Variants in MEGF9 observed in about 807,000 individuals in gnomAD.
MEGF9 encodes the protein multiple EGF like domains 9.
In MEGF9, 6 loss-of-function variants were observed where a neutral mutation model predicts 46.8. That is an observed-to-expected ratio of 0.13 (90% CI 0.07 to 0.25). The LOEUF (loss-of-function observed/expected upper bound fraction) is 0.25, where lower values mean the gene tolerates loss of function less well. Among genes scored for constraint, MEGF9 ranks in the 10% least tolerant of loss-of-function variants. MEGF9 has a pLI of 1.00. For missense variants in MEGF9, 683 were observed against 792.4 expected (o/e 0.86, Z 1.66); for synonymous variants, 302 against 330.7 (o/e 0.91, Z 0.94).
chr9:120,651,940 C>T (rs1371337089), intron 2 of MEGF9, among the ~76,000 whole-genome samples: 2 of 151,412 alleles, frequency 1.3e-5, no homozygotes, highest in African/African-American at 4.9e-5. Context: ...CATGAGCCAT[C>T]GCGCCTGGCC....
At chr9:120,606,867 T>TTA (rs1281013446) in intron 5 of MEGF9, among the ~76,000 whole-genome samples, 4 of 152,120 alleles carry the variant, frequency 2.6e-5, no homozygotes, top group African/African-American at 7.2e-5. Context: ...GAGGCAAAGT[T>TTA]TATATATATT....
intron 1 of MEGF9, among the ~76,000 whole-genome samples, chr9:120,706,632 C>T (rs966147422): frequency 2.0e-5 from 3 of 152,094 alleles, no homozygotes; most frequent in African/African-American, 4.8e-5. Flanking sequence ...TTCAGGAGTT[C>T]GAGACTAGCC....
chr9:120,699,831 AAAG>A (rs2043895583), intron 1 of MEGF9, among the ~76,000 whole-genome samples: 2 of 152,144 alleles, frequency 1.3e-5, no homozygotes, highest in Admixed American at 6.5e-5. Flanking sequence ...AATATGAGAT[AAAG>A]ATTATTTTGT....
intron 1 of MEGF9, among the ~76,000 whole-genome samples, chr9:120,710,576 G>C (rs1052417524): frequency 2.0e-5 from 3 of 151,558 alleles, no homozygotes; most frequent in Non-Finnish European, 4.4e-5. Flanking sequence ...CTAACTGAGG[G>C]GCAGGCAAGA....
At chr9:120,709,417 AAAAAAAC>A (rs2043942910) in intron 1 of MEGF9, among the ~76,000 whole-genome samples, 1 of 152,086 alleles carries the variant, frequency 6.6e-6, no homozygotes, top group South Asian at 2.1e-4. Context: ...CATCTCAAAA[AAAAAAAC>A]AAAAAACAAA....
chr9:120,690,585 T>G (rs1018947022), intron 1 of MEGF9, among the ~76,000 whole-genome samples: 3 of 152,152 alleles, frequency 2.0e-5, no homozygotes, highest in Admixed American at 2.0e-4. Flanking sequence ...CCAGGTCTGC[T>G]CAGACACCCA....
intron 4 of MEGF9, among the ~76,000 whole-genome samples, chr9:120,608,553 G>A (rs114261074): frequency 6.6e-6 from 1 of 152,062 alleles, no homozygotes; most frequent in African/African-American, 2.4e-5. Flanking sequence ...TTTTCCATGG[G>A]TGGCCTCATC....
chr9:120,676,713 C>T (rs2043774758), intron 1 of MEGF9, among the ~76,000 whole-genome samples: 1 of 152,170 alleles, frequency 6.6e-6, no homozygotes, highest in South Asian at 2.1e-4. Flanking sequence ...CAAACTGTTT[C>T]ATACAACTGC....
At chr9:120,698,729 G>T (rs1281296587) in intron 1 of MEGF9, among the ~76,000 whole-genome samples, 2 of 152,194 alleles carry the variant, frequency 1.3e-5, no homozygotes, top group African/African-American at 4.8e-5. Flanking sequence ...AAGCACTGCT[G>T]AATTAAGGGT....
At chr9:120,622,417 CTT>C (rs59380409) in intron 3 of MEGF9, among the ~76,000 whole-genome samples, 197 bp downstream of exon 3, 9 of 101,186 alleles carry the variant, frequency 8.9e-5, no homozygotes, top group East Asian at 2.8e-4. Flanking sequence ...AGGTATATGA[CTT>C]TTTTTTTTTT....
In MEGF9 at chr9:120,712,283, A is replaced by T. The variant is rs761344654; in HGVS notation, c.601+1475T>A. 4.6e-5 allele frequency among the ~76,000 whole-genome samples: 7 copies of T among 152,168 alleles called. No homozygotes were observed. In the East Asian group the frequency reaches 1.3e-3, roughly 29 times the overall value. On this transcript the variant is annotated intron_variant, in intron 1 of 5. Coordinates refer to ENST00000373930, the MANE Select transcript of MEGF9 (RefSeq NM_001080497.3). ...AAAAAACAAAAACAAAAACAAAAAA[A>T]GTCTTCACAGCAACCTTATGAGTTA...
chr9:120,628,778 T>C (rs1344060895), intron 2 of MEGF9, among the ~76,000 whole-genome samples: 2 of 152,168 alleles, frequency 1.3e-5, no homozygotes, highest in African/African-American at 4.8e-5. Flanking sequence ...AGGAAGATAT[T>C]AGCTCTATTT....
chr9:120,701,323 C>A (rs2043904073), intron 1 of MEGF9, among the ~76,000 whole-genome samples: 2 of 152,064 alleles, frequency 1.3e-5, no homozygotes, highest in Admixed American at 1.3e-4. Flanking sequence ...GCATGTAAGA[C>A]TGAAATAAGT....
intron 2 of MEGF9, among the ~76,000 whole-genome samples, chr9:120,638,768 C>T (rs1180454364): frequency 6.6e-6 from 1 of 152,214 alleles, no homozygotes; most frequent in Non-Finnish European, 1.5e-5. Flanking sequence ...CATCTTTTCA[C>T]CCTTACTGGC....
In MEGF9 at chr9:120,659,393, G is replaced by C; in HGVS notation, c.784C>G (p.Leu262Val). Residue 262 changes from leucine (L) to valine (V), a missense_variant, in exon 2 of 6, where the codon CTC becomes GTC. Physicochemically the swap from Leu to Val is conservative, Grantham distance 32 (BLOSUM62 1). Transcript: ENST00000373930. ...GCTTACCTGTTGCACGGTATGCTGA[G>C]AGCTCCATGTGGACTACAGTCACAT... The part of the protein sequence containing the change: ...QPCDCSPHGA[L>V]SIPCNSSGKC... 6.2e-7 allele frequency: 1 copy of C among 1,613,760 alleles called. No individual in the cohort carries two copies. The highest frequency in any genetic ancestry group is 8.5e-7 in the Non-Finnish European group (1 of 1,179,838).
intron 2 of MEGF9, among the ~76,000 whole-genome samples, chr9:120,633,619 C>G (rs2043559903): frequency 6.6e-6 from 1 of 151,382 alleles, no homozygotes; most frequent in African/African-American, 2.4e-5. Context: ...TTTATTATGT[C>G]TTTCCTTCTG....
chr9:120,712,774 C>G (rs17346210), intron 1 of MEGF9, among the ~76,000 whole-genome samples: 2,292 of 152,324 alleles, frequency 0.015, 57 homozygotes, highest in African/African-American at 0.052. Flanking sequence ...GGACAAACCT[C>G]CACCCCAACT....
chr9:120,631,993 T>C (rs937467008), intron 2 of MEGF9, among the ~76,000 whole-genome samples: 5 of 151,962 alleles, frequency 3.3e-5, no homozygotes, highest in Non-Finnish European at 5.9e-5. Context: ...AGTGATGCGA[T>C]CTCAGCTCAC....
chr9:120,651,246 A>AT (rs1243769269), intron 2 of MEGF9, among the ~76,000 whole-genome samples: 2 of 152,234 alleles, frequency 1.3e-5, no homozygotes, highest in East Asian at 3.8e-4. Flanking sequence ...TCAGTGTCTG[A>AT]TTACCAAAAG....
Sources: allele counts gnomAD v4.1 joint callset (sites outside exome capture counted in the v4.1 genomes callset), GRCh38; gene constraint gnomAD v4.1.1; transcripts MANE v1.5; gene names NCBI Gene and HGNC (gene_info 2026-07-23, HGNC 2026-07-21).